Variants in GLIS1 observed in about 807,000 individuals in gnomAD.
GLIS1 encodes GLIS family zinc finger 1.
A neutral mutation model predicts 63.8 loss-of-function variants in GLIS1; 24 were observed. The ratio of observed to expected loss-of-function variants is 0.38; its 90% CI spans 0.27 to 0.53. The LOEUF is 0.53. GLIS1 is among the 20% of genes least tolerant of loss of function. The pLI, the probability that GLIS1 is intolerant of heterozygous loss-of-function variation, is 0.85. For synonymous variants in GLIS1, 450 were observed against 482.5 expected, an observed-to-expected ratio of 0.93 and a Z score of 0.88; for missense variants, 1,036 against 1,074.1, an observed-to-expected ratio of 0.96 and a Z score of 0.50.
chr1:53,597,245 C>A (rs1299659285), intron 3 of GLIS1, among the ~76,000 whole-genome samples: 1 of 136,694 alleles, frequency 7.3e-6, no homozygotes, highest in South Asian at 2.4e-4. Flanking sequence ...TGGTGGCGGG[C>A]GCCTGTAGTC....
chr1:53,513,239 C>A (rs559983606), intron 8 of GLIS1, among the ~76,000 whole-genome samples: 1 of 152,174 alleles, frequency 6.6e-6, no homozygotes, highest in Non-Finnish European at 1.5e-5. Context: ...CGGGCTCCCC[C>A]TCCCCAGCCT....
At chr1:53,642,145 AAC>A (rs1238523212) in intron 2 of GLIS1, among the ~76,000 whole-genome samples, 3 of 152,364 alleles carry the variant, frequency 2.0e-5, no homozygotes, top group Non-Finnish European at 4.4e-5. Flanking sequence ...ATCCCAAGGC[AAC>A]ACACTGCCCT....
At chr1:53,507,529 A>G (rs1644247828) in intron 10 of GLIS1, among the ~76,000 whole-genome samples, 1 of 152,212 alleles carries the variant, frequency 6.6e-6, no homozygotes, top group Admixed American at 6.5e-5. Flanking sequence ...AGGCCTGCCA[A>G]TGAGCTGCTG....
rs552254726 is a variant in GLIS1, at chr1:53,620,115, G to A, written c.260-19837C>T. On this transcript the variant is annotated intron_variant, in intron 2 of 10. Coordinates refer to ENST00000628545, the MANE Select transcript of GLIS1 (RefSeq NM_001367484.1). ...GCATTAATCCTGCTGGAGAGATGAG[G>A]ACACTGAGTTTGGGCAGTGATGACA... Among the ~76,000 whole-genome samples, 5 of 152,326 alleles carry A rather than the reference G, an allele frequency of 3.3e-5. No homozygotes were observed. The South Asian group carries it at 1.0e-3, about 32-fold the overall frequency.
intron 4 of GLIS1, among the ~76,000 whole-genome samples, chr1:53,558,549 C>T (rs554261754): frequency 2.3e-4 from 35 of 152,306 alleles, no homozygotes; most frequent in Non-Finnish European, 3.5e-4. Context: ...CTCCCCCTAA[C>T]GATCTCACTC....
chr1:53,537,917 C>T (rs1231187279), intron 4 of GLIS1, among the ~76,000 whole-genome samples: 8 of 152,232 alleles, frequency 5.3e-5, no homozygotes, highest in African/African-American at 1.2e-4. Context: ...CATTTTTGTA[C>T]GAACTTTTAA....
intron 2 of GLIS1, among the ~76,000 whole-genome samples, chr1:53,638,077 G>T (rs1287442284): frequency 6.6e-6 from 1 of 152,210 alleles, no homozygotes; most frequent in Non-Finnish European, 1.5e-5. Flanking sequence ...GGGTTTAGAG[G>T]GATCACTCTG....
In GLIS1 at chr1:53,560,681, C is replaced by T. The variant is rs2100437664; in HGVS notation, c.1321-30729G>A. On this transcript the variant is annotated intron_variant, in intron 4 of 10. Transcript: ENST00000628545. The surrounding 1 kb of genome is among the most constrained non-coding windows in gnomAD (Gnocchi z 4.4). ...CACTTGTTGCGGGCCGTGTGTCCCG[C>T]AATGTTCTAGGCACTGGGGCAGCCA... 6.6e-6 allele frequency among the ~76,000 whole-genome samples: 1 copy of T among 152,296 alleles called. No individual in the cohort carries two copies. The highest frequency in any genetic ancestry group is 1.9e-4 in the East Asian group (1 of 5,184).
intron 2 of GLIS1, among the ~76,000 whole-genome samples, chr1:53,729,793 A>G (rs180993516): frequency 2.0e-5 from 3 of 152,358 alleles, no homozygotes; most frequent in African/African-American, 7.2e-5. Context: ...AACTTATTAT[A>G]GGAAAAAAGA....
chr1:53,663,719 C>A (rs1009299674), intron 2 of GLIS1, among the ~76,000 whole-genome samples: 1 of 152,122 alleles, frequency 6.6e-6, no homozygotes, highest in African/African-American at 2.4e-5. Context: ...TTCACTGGAG[C>A]CCGGGGAACA....
At chr1:53,609,140 T>C (rs1645400316) in intron 2 of GLIS1, among the ~76,000 whole-genome samples, 1 of 152,204 alleles carries the variant, frequency 6.6e-6, no homozygotes, top group Non-Finnish European at 1.5e-5. Context: ...AGCATCCTTA[T>C]TAATATTCTT....
intron 2 of GLIS1, among the ~76,000 whole-genome samples, chr1:53,637,450 T>G (rs897758239): frequency 3.9e-5 from 6 of 152,142 alleles, no homozygotes; most frequent in Non-Finnish European, 8.8e-5. Context: ...GTGAGAACCG[T>G]GGACCCAGCT....
chr1:53,600,487 A>T (rs757285355), intron 2 of GLIS1, among the ~76,000 whole-genome samples: 9 of 152,144 alleles, frequency 5.9e-5, no homozygotes, highest in Admixed American at 1.3e-4. Context: ...CTCCATTCTC[A>T]GATGGGGATG....
At chr1:53,730,379 C>T (rs1399134558) in intron 2 of GLIS1, among the ~76,000 whole-genome samples, 1 of 152,152 alleles carries the variant, frequency 6.6e-6, no homozygotes, top group Non-Finnish European at 1.5e-5. Flanking sequence ...AAATACCCAA[C>T]CCTCTGAGAA....
chr1:53,615,923 A>G (rs928584808), intron 2 of GLIS1, among the ~76,000 whole-genome samples: 1 of 151,722 alleles, frequency 6.6e-6, no homozygotes, highest in African/African-American at 2.4e-5. Context: ...TAATTTTTGT[A>G]TTTTAGTAGA....
intron 2 of GLIS1, among the ~76,000 whole-genome samples, chr1:53,601,518 G>A (rs1224241478): frequency 1.3e-5 from 2 of 152,190 alleles, no homozygotes; most frequent in South Asian, 4.1e-4. Context: ...ATCAGCAAGC[G>A]CAGCATCTGC....
chr1:53,579,706 A>G (rs1645066574), intron 4 of GLIS1, among the ~76,000 whole-genome samples: 1 of 152,206 alleles, frequency 6.6e-6, no homozygotes, highest in Non-Finnish European at 1.5e-5. Flanking sequence ...GGGGGCAGCC[A>G]TGGGGGCAGC....
intron 4 of GLIS1, among the ~76,000 whole-genome samples, chr1:53,562,845 A>G (rs780677114): frequency 4.6e-5 from 7 of 152,204 alleles, no homozygotes; most frequent in Non-Finnish European, 1.0e-4. Context: ...AAAGATCATC[A>G]TCTAGTAGTT....
intron 5 of GLIS1, 24 bp downstream of exon 5, chr1:53,529,767 T>C: frequency 6.2e-7 from 1 of 1,604,956 alleles, no homozygotes. Flanking sequence ...CACCCCGCCC[T>C]GGGCCTCTGC....
Sources: gnomAD v4.1 joint callset for allele counts (sites outside exome capture counted in the v4.1 genomes callset) on GRCh38, gnomAD v4.1.1 for gene constraint, Gnocchi (gnomAD v3.1) non-coding constraint, MANE v1.5 for transcripts, NCBI Gene and HGNC (gene_info 2026-07-23, HGNC 2026-07-21) for gene names.